The following SPTA1 variants were observed in gnomAD, a reference collection of about 807,000 sequenced individuals.
SPTA1 encodes the protein spectrin alpha, erythrocytic 1, also known as spectrin alpha chain, erythrocytic 1.
SPTA1 carries 177 observed loss-of-function variants against 324.7 expected under a neutral mutation model. The ratio of observed to expected loss-of-function variants is 0.55; its 90% CI spans 0.48 to 0.62. The LOEUF (loss-of-function observed/expected upper bound fraction) is 0.62. Among genes scored for constraint, SPTA1 ranks in the 20% least tolerant of loss-of-function variants. The probability of loss-of-function intolerance (pLI) is 0.00; values close to 1 mark genes in which losing one functional copy is unlikely to be tolerated. For synonymous variants in SPTA1, 1,195 were observed against 1,041.3 expected, an observed-to-expected ratio of 1.15 and a Z score of -2.84; for missense variants, 3,162 against 2,883.6, an observed-to-expected ratio of 1.10 and a Z score of -2.21.
intron 36 of SPTA1, 40 bp downstream of exon 36, chr1:158,637,993 G>T (rs1263651437): frequency 1.9e-6 from 3 of 1,600,038 alleles, no homozygotes; most frequent in Non-Finnish European, 2.6e-6. Context: ...TTATCTACTC[G>T]CTTGTATTAT....
chr1:158,633,195 A>T (rs994350057), intron 39 of SPTA1, among the ~76,000 whole-genome samples: 12 of 152,194 alleles, frequency 7.9e-5, no homozygotes, highest in Non-Finnish European at 1.6e-4. Context: ...GCTATAAAAA[A>T]GCAACAGCAG....
chr1:158,639,623 T>C lies in SPTA1; in HGVS notation c.4939A>G (p.Lys1647Glu). 2 of 1,613,966 alleles carry C rather than the reference T, an allele frequency of 1.2e-6. No individual in the cohort carries two copies. Among genetic ancestry groups the C allele is most frequent in the Non-Finnish European group, 1.7e-6 (2 of 1,179,912 alleles). The change falls in exon 35 of 52, where the codon AAG becomes GAG. Residue 1647 changes from lysine (K) to glutamate (E), a missense_variant. Coordinates refer to ENST00000643759, the MANE Select transcript of SPTA1 (RefSeq NM_003126.4). ...TCTCTCTCCAATAGCTGATGCTTCT[T>C]GAGTAGGTTTCCTGCTGAAGCCAAG... is the stretch of plus-strand genomic sequence containing the variant. ...RDLASAGNLL[K>E]KHQLLEREML...
intron 36 of SPTA1, among the ~76,000 whole-genome samples, chr1:158,637,473 A>G (rs1651170449): frequency 1.3e-5 from 2 of 152,254 alleles, no homozygotes; most frequent in South Asian, 4.1e-4. Context: ...TTTTACAACA[A>G]AAATGGAATG....
intron 21 of SPTA1, 74 bp from the exon 22 acceptor site, chr1:158,653,499 AG>A: frequency 6.3e-7 from 1 of 1,599,274 alleles, no homozygotes; most frequent in East Asian, 2.2e-5. Context: ...TTCAACACTA[AG>A]TCTCTTGGCC....
intron 11 of SPTA1, 124 bp from the exon 12 acceptor site, chr1:158,671,577 T>C (rs572252589): frequency 1.3e-6 from 1 of 750,934 alleles, no homozygotes; most frequent in East Asian, 2.6e-5. Context: ...CACATTATGA[T>C]AATGGGTAGA....
intron 27 of SPTA1, among the ~76,000 whole-genome samples, chr1:158,646,472 AAAAAC>A (rs937340704): frequency 1.4e-4 from 21 of 152,284 alleles, no homozygotes; most frequent in Admixed American, 4.6e-4. Context: ...AAGAATGGAT[AAAAAC>A]AAAACAAAAC....
chr1:158,657,732 A>G, intron 18 of SPTA1, 38 bp from the exon 19 acceptor site: 1 of 1,592,598 alleles, frequency 6.3e-7, no homozygotes, highest in Non-Finnish European at 8.6e-7. Context: ...TATGATCCTC[A>G]TGAGTGTTTA....
At chr1:158,619,115 G>C in intron 45 of SPTA1, 107 bp downstream of exon 45, 3 of 1,094,766 alleles carry the variant, frequency 2.7e-6, no homozygotes, top group Non-Finnish European at 2.8e-6. Context: ...TTTTAGGGCA[G>C]AATACATGCT....
At chr1:158,623,712 T>C (rs1650074887) in intron 42 of SPTA1, among the ~76,000 whole-genome samples, 1 of 152,214 alleles carries the variant, frequency 6.6e-6, no homozygotes, top group Non-Finnish European at 1.5e-5. Flanking sequence ...CTAAAATACG[T>C]CAATTAAACC....
rs1345384278 is a variant in SPTA1 at position 158,659,595 on chromosome 1, A to ATTATTTTTTTTTT, written c.2587+1691_2587+1692insAAAAAAAAAATAA. On this transcript the variant is annotated intron_variant, in intron 18 of 51. Coordinates refer to ENST00000643759, the MANE Select transcript of SPTA1 (RefSeq NM_003126.4). ...AAAAGAAAATAATAGTCTTAGCATT[A>ATTATTTTTTTTTT]TTTTTTTTTTTTTTTTTTTTTTTTT... Among the ~76,000 whole-genome samples the ATTATTTTTTTTTT allele has an allele frequency of 2.0e-4, 14 of 68,778 alleles. 1 individual carries two copies. The highest frequency in any genetic ancestry group is 1.8e-3 in the South Asian group (2 of 1,094). The allele number at this position is 68,778 out of a possible 152,430, so 45.1% of individuals were successfully genotyped here.
In SPTA1 at chr1:158,674,335, C is replaced by T. The variant is rs202088261; in HGVS notation, c.1344G>A (p.Arg448=). 2.4e-5 allele frequency: 39 copies of T among 1,613,880 alleles called. No homozygotes were observed. Among genetic ancestry groups the T allele is most frequent in the Non-Finnish European group, 3.2e-5 (38 of 1,179,894 alleles). ...CTCTGTTAAACTAGATTACCTTTTC[C>T]CGAACTTCATCAGAGGCTTCATGAT... ...NANHEASDEV[R]EKMEILDNNW... The change falls in exon 10 of 52, where the codon CGG becomes CGA. Residue 448 remains arginine (R), a synonymous_variant. Coordinates refer to ENST00000643759, the MANE Select transcript of SPTA1 (RefSeq NM_003126.4).
At chr1:158,641,057 G>T (rs971959507) in intron 33 of SPTA1, among the ~76,000 whole-genome samples, 8 of 152,258 alleles carry the variant, frequency 5.3e-5, no homozygotes, top group African/African-American at 1.9e-4. Flanking sequence ...AAGCAATGGG[G>T]AAAGGATTCC....
intron 2 of SPTA1, among the ~76,000 whole-genome samples, chr1:158,684,703 AT>A (rs768411391): frequency 2.7e-4 from 41 of 152,110 alleles, no homozygotes; most frequent in Admixed American, 2.5e-3. Flanking sequence ...AATTGATGTA[AT>A]TTTTTACTTT....
At chr1:158,626,021 T>G in intron 42 of SPTA1, 125 bp downstream of exon 42, 1 of 751,274 alleles carries the variant, frequency 1.3e-6, no homozygotes, top group Non-Finnish European at 2.2e-6. Flanking sequence ...TTATTAATAT[T>G]AAGAAGGGAA....
At chr1:158,677,078 T>A (rs1041670627) in intron 7 of SPTA1, among the ~76,000 whole-genome samples, 1 of 152,164 alleles carries the variant, frequency 6.6e-6, no homozygotes, top group Non-Finnish European at 1.5e-5. Flanking sequence ...CTGACTCCCC[T>A]GTGCACTCTC....
intron 25 of SPTA1, among the ~76,000 whole-genome samples, chr1:158,649,080 T>C (rs1341483866): frequency 6.6e-6 from 1 of 152,186 alleles, no homozygotes; most frequent in Non-Finnish European, 1.5e-5. Context: ...AAAATACATT[T>C]ATACACAATG....
At chr1:158,634,409 G>T in intron 39 of SPTA1, 134 bp downstream of exon 39, 2 of 1,337,066 alleles carry the variant, frequency 1.5e-6, no homozygotes, top group South Asian at 1.2e-5. Context: ...ATTTAAAACT[G>T]TCAGGATTAT....
rs55832242 is a variant in SPTA1 at position 158,611,131 on chromosome 1, G to GCACACACACACACACA, written c.*117_*132dup. 2.8e-4 allele frequency: 186 copies of GCACACACACACACACA among 671,410 alleles called. 2 individuals are homozygous for GCACACACACACACACA. Among genetic ancestry groups the GCACACACACACACACA allele is most frequent in the East Asian group, 1.4e-3 (42 of 30,928 alleles). The allele number at this position is 671,410 out of a possible 1,614,324, so 41.6% of individuals were successfully genotyped here. On this transcript the variant is annotated 3_prime_UTR_variant, in exon 52 of 52. Transcript: ENST00000643759. The stretch of plus-strand genomic sequence containing the variant: ...AAATGTAATATGCACACAAACACAA[G>GCACACACACACACACA]CACACACACACACACACACACACAC...
rs752784384 is a variant in SPTA1 at position 158,639,875 on chromosome 1, A to T, written c.4870T>A (p.Ser1624Thr). 1 of 1,613,986 alleles carries T rather than the reference A, an allele frequency of 6.2e-7. No homozygotes were observed. The highest frequency in any genetic ancestry group is 1.1e-5 in the South Asian group (1 of 91,080). The change falls in exon 34 of 52, where the codon TCA becomes ACA. Residue 1624 changes from serine (S) to threonine (T), a missense_variant. Coordinates refer to ENST00000643759, the MANE Select transcript of SPTA1 (RefSeq NM_003126.4). Reference sequence around the variant, plus strand: ...CTGTTTCCGGGTGCAATTACCTCTGAGAGCCAGAACTCAAAGTCCCGGATG... The same window carrying T: ...CTGTTTCCGGGTGCAATTACCTCTGTGAGCCAGAACTCAAAGTCCCGGATG... The part of the protein sequence containing the change: ...TSIRDFEFWL[S>T]EAETLLAMKD...
Sources: gnomAD v4.1 joint callset for allele counts (sites outside exome capture counted in the v4.1 genomes callset) on GRCh38, gnomAD v4.1.1 for gene constraint, MANE v1.5 for transcripts, NCBI Gene and HGNC (gene_info 2026-07-23, HGNC 2026-07-21) for gene names.